Variants in SYNE1 observed in about 807,000 individuals in gnomAD.
SYNE1 encodes spectrin repeat containing nuclear envelope protein 1, also known as nesprin-1.
SYNE1 carries 616 observed loss-of-function variants against 1,111.0 expected under a neutral mutation model. The observed-to-expected ratio is 0.55, with a 90% confidence interval of 0.52 to 0.59. SYNE1 has a LOEUF of 0.59. SYNE1 is among the 20% of genes least tolerant of loss of function. The pLI is 0.00. For missense variants in SYNE1, 10,006 were observed against 10,417.0 expected (o/e 0.96, Z 1.72); for synonymous variants, 3,855 against 3,825.8 (o/e 1.01, Z -0.28).
At chr6:152,174,950 T>C (rs2066040933) in intron 130 of SYNE1, among the ~76,000 whole-genome samples, 2 of 152,210 alleles carry the variant, frequency 1.3e-5, no homozygotes, top group Non-Finnish European at 2.9e-5. Flanking sequence ...CCCCAGCACT[T>C]CGGGAGGCCG....
chr6:152,564,263 T>C (rs2099404143), intron 3 of SYNE1, among the ~76,000 whole-genome samples: 1 of 152,058 alleles, frequency 6.6e-6, no homozygotes, highest in Non-Finnish European at 1.5e-5. Context: ...CTGGTGAAAA[T>C]GTTTTCATTT....
intron 138 of SYNE1, among the ~76,000 whole-genome samples, chr6:152,142,261 C>T (rs1446412184): frequency 2.0e-5 from 3 of 152,254 alleles, no homozygotes; most frequent in South Asian, 4.1e-4. Context: ...ATTTAAAACT[C>T]GGAGCCCTCA....
chr6:152,143,272 C>T lies in SYNE1; in HGVS notation c.25119+351G>A, dbSNP rs529929614. ...TTAGTAATCTATTAGCTAAAATCTG[C>T]TGCTCCAAGGATAACCTTGGTCCAA... On this transcript the variant is annotated intron_variant, in intron 138 of 145. Transcript: ENST00000367255. 5.9e-5 allele frequency among the ~76,000 whole-genome samples: 9 copies of T among 152,314 alleles called. No individual in the cohort carries two copies. The East Asian group carries it at 9.6e-4, about 16-fold the overall frequency.
At chr6:152,144,006 G>A (rs756471997) in intron 137 of SYNE1, 2 of 537,718 alleles carry the variant, frequency 3.7e-6, no homozygotes, top group Non-Finnish European at 6.7e-6. Context: ...CGGCTCTCCA[G>A]TCCGTTTTGA....
At chr6:152,562,873 T>C (rs368348416) in intron 3 of SYNE1, among the ~76,000 whole-genome samples, 51 of 152,316 alleles carry the variant, frequency 3.3e-4, no homozygotes, top group African/African-American at 1.1e-3. Flanking sequence ...AATGCTGGTT[T>C]TAGGTTTTCC....
intron 29 of SYNE1, among the ~76,000 whole-genome samples, chr6:152,444,891 C>T (rs1217815808): frequency 1.3e-5 from 2 of 152,014 alleles, no homozygotes; most frequent in East Asian, 3.8e-4. Flanking sequence ...CGATCAAAAC[C>T]CCCCTGTTGA....
intron 69 of SYNE1, among the ~76,000 whole-genome samples, chr6:152,352,596 G>T (rs2096761914): frequency 6.6e-6 from 1 of 151,994 alleles, no homozygotes; most frequent in South Asian, 2.1e-4. Context: ...TAGAGACAGG[G>T]TTTCACCATG....
intron 51 of SYNE1, among the ~76,000 whole-genome samples, chr6:152,394,556 G>T (rs2154139152): frequency 6.6e-6 from 1 of 152,128 alleles, no homozygotes; most frequent in South Asian, 2.1e-4. Flanking sequence ...CAAAAGCACA[G>T]ATCAGGGAAC....
chr6:152,511,858 T>A (rs757470784), intron 6 of SYNE1, among the ~76,000 whole-genome samples: 17 of 152,234 alleles, frequency 1.1e-4, no homozygotes, highest in Non-Finnish European at 2.5e-4. Flanking sequence ...TTCATGCTAA[T>A]GTTTTTCATC....
chr6:152,234,803 G>C lies in SYNE1; in HGVS notation c.20397-3C>G. The C allele has an allele frequency of 6.2e-7, 1 of 1,614,026 alleles. No individual in the cohort carries two copies. Among genetic ancestry groups the C allele is most frequent in the Non-Finnish European group, 8.5e-7 (1 of 1,179,976 alleles). ...GATCTGCAGATTCACTTTGATATCT[G>C]TTAAGTATATTATGGAGTCCATTAA... On this transcript the variant is annotated splice_polypyrimidine_tract_variant and splice_region_variant and intron_variant, in intron 110 of 145. Transcript: ENST00000367255.
chr6:152,441,348 T>C, intron 31 of SYNE1, 78 bp from the exon 32 acceptor site: 1 of 1,478,188 alleles, frequency 6.8e-7, no homozygotes, highest in Non-Finnish European at 9.2e-7. Context: ...TTTGCAAAAC[T>C]GTCAACTTTC....
chr6:152,385,444 C>A (rs77249508), intron 55 of SYNE1, among the ~76,000 whole-genome samples: 1 of 152,082 alleles, frequency 6.6e-6, no homozygotes, highest in Non-Finnish European at 1.5e-5. Context: ...ATTACGGCAA[C>A]AAGCACATTT....
chr6:152,590,721 C>T (rs79944959), intron 3 of SYNE1, among the ~76,000 whole-genome samples: 3,104 of 152,234 alleles, frequency 0.02, 70 homozygotes, highest in East Asian at 0.13. Context: ...GGTTTCCCAC[C>T]TCCACTCCAT....
intron 112 of SYNE1, 140 bp from the exon 113 acceptor site, chr6:152,232,405 T>C: frequency 2.1e-6 from 2 of 936,572 alleles, no homozygotes; most frequent in Non-Finnish European, 3.3e-6. Flanking sequence ...GATCTTACCC[T>C]TTCTGAAAGC....
intron 137 of SYNE1, chr6:152,145,585 G>A: frequency 1.3e-6 from 2 of 1,596,868 alleles, no homozygotes; most frequent in Non-Finnish European, 1.7e-6. Flanking sequence ...TAAGTTGACA[G>A]CTAAGTTCTG....
chr6:152,555,020 C>T (rs1354726608), intron 3 of SYNE1, among the ~76,000 whole-genome samples: 4 of 152,148 alleles, frequency 2.6e-5, no homozygotes, highest in Non-Finnish European at 5.9e-5. Context: ...TTTAAGACAT[C>T]TTAAAAGAGG....
At chr6:152,553,970 A>G (rs1296667455) in intron 3 of SYNE1, among the ~76,000 whole-genome samples, 1 of 152,106 alleles carries the variant, frequency 6.6e-6, no homozygotes, top group East Asian at 1.9e-4. Context: ...CTTTGCATCC[A>G]GGTATTGGCC....
chr6:152,149,644 T>G lies in SYNE1; in HGVS notation c.24475A>C (p.Asn8159His). The G allele has an allele frequency of 6.2e-7, 1 of 1,614,182 alleles. No homozygotes were observed. The highest frequency in any genetic ancestry group is 2.2e-5 in the East Asian group (1 of 44,878). ...LKAFQQEISL[N>H]HNKIEQIIAQ... ...ATTATCTGCTCAATCTTATTGTGGT[T>G]CAGTGAAATTTCCTGCTGGAAGGCC... Residue 8159 changes from asparagine to histidine, a missense_variant, in exon 136 of 146, where the codon AAC becomes CAC. Transcript: ENST00000367255.
chr6:152,358,234 T>C, intron 66 of SYNE1, 139 bp downstream of exon 66: 1 of 1,201,224 alleles, frequency 8.3e-7, no homozygotes, highest in South Asian at 1.3e-5. Context: ...ATGTTCTTGA[T>C]CAAACCTTAT....
Sources: gnomAD v4.1 joint callset for allele counts (sites outside exome capture counted in the v4.1 genomes callset) on GRCh38, gnomAD v4.1.1 for gene constraint, MANE v1.5 for transcripts, NCBI Gene and HGNC (gene_info 2026-07-23, HGNC 2026-07-21) for gene names.